TRMT44: variants seen among roughly 807,000 people sequenced by gnomAD.
The protein encoded by TRMT44 is probable tRNA (uracil-O(2)-)-methyltransferase.
Under a neutral mutation model 77.3 loss-of-function variants are expected in TRMT44, and 78 were observed. The observed-to-expected ratio is 1.01, with a 90% CI of 0.84 to 1.22. The LOEUF (loss-of-function observed/expected upper bound fraction) is 1.22. TRMT44 is among the 50% of genes most tolerant of loss of function. TRMT44 has a pLI of 0.00. For missense variants in TRMT44, 1,090 were observed against 964.4 expected (o/e 1.13, Z -1.73); for synonymous variants, 391 against 383.3 (o/e 1.02, Z -0.23).
intron 3 of TRMT44, among the ~76,000 whole-genome samples, chr4:8,450,343 T>C (rs1725358899): frequency 6.6e-6 from 1 of 151,926 alleles, no homozygotes; most frequent in Non-Finnish European, 1.5e-5. Context: ...AACAAAAACA[T>C]AGACAGATAT....
At position 8,465,526 on chromosome 4, in the gene TRMT44, G is replaced by T; in HGVS notation, c.1459G>T (p.Asp487Tyr). The T allele has an allele frequency of 6.2e-7, 1 of 1,613,798 alleles. No homozygotes were observed. The highest frequency in any genetic ancestry group is 1.1e-5 in the South Asian group (1 of 90,972). Residue 487 changes from aspartate (D) to tyrosine (Y), a missense_variant, in exon 8 of 11, where the codon GAC (aspartate) becomes TAC (tyrosine). By Grantham distance (160) the Asp-to-Tyr change is radical. Coordinates refer to ENST00000389737, the MANE Select transcript of TRMT44 (RefSeq NM_152544.3). ...EVGFTCGFHV[D>Y]EDCLRIPSTK... ...GGGCTTCACCTGTGGGTTTCACGTG[G>T]ACGAAGACTGCCTCAGGATTCCTTC...
chr4:8,481,761 C>T (rs1004057858), intron 2 of TRMT44, among the ~76,000 whole-genome samples: 3 of 152,248 alleles, frequency 2.0e-5, no homozygotes, highest in Non-Finnish European at 4.4e-5. Context: ...ATATCACTGT[C>T]TCCCACCTCC....
At chr4:8,474,550 G>A (rs1018744882) in intron 10 of TRMT44, among the ~76,000 whole-genome samples, 1 of 152,238 alleles carries the variant, frequency 6.6e-6, no homozygotes, top group Non-Finnish European at 1.5e-5. Context: ...TAAAACATCA[G>A]TCTGTCAAAA....
the TRMT44 span, among the ~76,000 whole-genome samples, chr4:8,499,885 C>T: frequency 2.0e-5 from 3 of 147,102 alleles, no homozygotes; most frequent in East Asian, 1.9e-4. Context: ...TACTATATAA[C>T]AAACCTGCAC....
the TRMT44 span, among the ~76,000 whole-genome samples, chr4:8,515,761 C>T: frequency 6.6e-6 from 1 of 152,212 alleles, no homozygotes; most frequent in Non-Finnish European, 1.5e-5. Context: ...ACTCCCAGTG[C>T]CCTCAGCCTC....
intron 1 of TRMT44, among the ~76,000 whole-genome samples, chr4:8,442,771 C>G (rs909119995): frequency 2.0e-5 from 3 of 152,220 alleles, no homozygotes; most frequent in African/African-American, 7.2e-5. Context: ...CTTCCTACAT[C>G]TCAGAGCCAG....
chr4:8,506,677 T>C, the TRMT44 span, among the ~76,000 whole-genome samples: 2 of 152,242 alleles, frequency 1.3e-5, no homozygotes, highest in Non-Finnish European at 2.9e-5. Flanking sequence ...CTCTGTGGAA[T>C]TCTCACCTCC....
chr4:8,444,663 G>A lies in TRMT44; in HGVS notation c.620-1813G>A, dbSNP rs1198997528. On this transcript the variant is annotated intron_variant, in intron 1 of 10. Transcript: ENST00000389737. This position sits in a 1 kb window ranked among gnomAD's most constrained non-coding sequence, Gnocchi z 4.0. ...TCCGCCTGCCTTGGCCTCCCAAAGT[G>A]CCGGGGTTACGGGCGTGAGCCACCT... is the stretch of plus-strand genomic sequence containing the variant. 3.3e-5 allele frequency among the ~76,000 whole-genome samples: 5 copies of A among 152,348 alleles called. No homozygotes were observed. The East Asian group carries it at 9.6e-4, about 29-fold the overall frequency.
intron 2 of TRMT44, among the ~76,000 whole-genome samples, chr4:8,491,535 C>T (rs997176294): frequency 4.6e-5 from 7 of 152,230 alleles, no homozygotes; most frequent in Non-Finnish European, 1.0e-4. Flanking sequence ...TGGCGGGCTG[C>T]ATGTCCCGAG....
At chr4:8,512,040 G>A in the TRMT44 span, 2 of 152,042 alleles carry the variant, frequency 1.3e-5, no homozygotes, top group African/African-American at 4.8e-5. Context: ...GTTTTCTTTT[G>A]TTGTTGTTGT....
chr4:8,505,651 C>G, the TRMT44 span, among the ~76,000 whole-genome samples: 1 of 152,250 alleles, frequency 6.6e-6, no homozygotes, highest in Non-Finnish European at 1.5e-5. Context: ...CCCTCTCATT[C>G]AGATGAGGAA....
intron 10 of TRMT44, among the ~76,000 whole-genome samples, chr4:8,472,568 G>C (rs547368533): frequency 1.3e-5 from 2 of 151,954 alleles, no homozygotes; most frequent in South Asian, 4.1e-4. Context: ...GCAAGCGTGT[G>C]GGTTTGTGCA....
the TRMT44 span, chr4:8,510,614 A>G: frequency 2.0e-5 from 3 of 152,492 alleles, no homozygotes; most frequent in African/African-American, 7.2e-5. Context: ...GGAAGAGAAC[A>G]CCAGGATGTG....
chr4:8,502,294 T>C, the TRMT44 span, among the ~76,000 whole-genome samples: 20 of 152,266 alleles, frequency 1.3e-4, no homozygotes, highest in African/African-American at 4.8e-4. Flanking sequence ...CTTCTTCCTG[T>C]TGGTGTTTGT....
chr4:8,475,714 T>A, intron 10 of TRMT44, 58 bp from the exon 11 acceptor site: 1 of 1,514,722 alleles, frequency 6.6e-7, no homozygotes, highest in South Asian at 1.2e-5. Flanking sequence ...GAGAGGCTGG[T>A]GAATTAAGGA....
downstream of TRMT44, among the ~76,000 whole-genome samples, chr4:8,497,666 A>G (rs1465214018): frequency 6.6e-6 from 1 of 152,190 alleles, no homozygotes; most frequent in African/African-American, 2.4e-5. Context: ...AACAAACAAA[A>G]AAACCCTGCT....
the TRMT44 span, among the ~76,000 whole-genome samples, chr4:8,515,757 A>C: frequency 6.6e-6 from 1 of 152,196 alleles, no homozygotes; most frequent in Non-Finnish European, 1.5e-5. Flanking sequence ...GTTCACTCCC[A>C]GTGCCCTCAG....
intron 8 of TRMT44, among the ~76,000 whole-genome samples, chr4:8,467,149 T>C (rs1335643492): frequency 6.6e-6 from 1 of 152,186 alleles, no homozygotes; most frequent in Non-Finnish European, 1.5e-5. Context: ...CCAGGCCCTC[T>C]GCGCAGCCCC....
At chr4:8,511,738 AC>A in the TRMT44 span, 13 of 152,050 alleles carry the variant, frequency 8.5e-5, no homozygotes, top group African/African-American at 2.9e-4. Flanking sequence ...AAAAAAAAAA[AC>A]ATCCAGATGA....
Sources: allele counts gnomAD v4.1 joint callset (sites outside exome capture counted in the v4.1 genomes callset), GRCh38; gene constraint gnomAD v4.1.1; non-coding constraint Gnocchi (gnomAD v3.1); transcripts MANE v1.5; gene names NCBI Gene and HGNC (gene_info 2026-07-23, HGNC 2026-07-21).